AMZ2: variants seen among roughly 807,000 people sequenced by gnomAD.
AMZ2 encodes archaemetzincin-2.
AMZ2 carries 26 observed loss-of-function variants against 36.7 expected under a neutral mutation model. That is an observed-to-expected ratio of 0.71 (90% CI 0.52 to 0.98). AMZ2 has a LOEUF of 0.98. AMZ2 is among the 50% of genes least tolerant of loss of function. The pLI is 0.00. For synonymous variants in AMZ2, 144 were observed against 149.1 expected (o/e 0.97, Z 0.25); for missense variants, 394 against 430.5 (o/e 0.92, Z 0.75).
In AMZ2 at chr17:68,248,555, C is replaced by T. The variant is rs1555737220; in HGVS notation, c.-151C>T. ...TCTCCCGCAGCTTCCCTAGATTAGGCTTGGGAGGCAAGAGGAGGCCTCCTG... is the reference window on the plus strand; with the variant it reads ...TCTCCCGCAGCTTCCCTAGATTAGGTTTGGGAGGCAAGAGGAGGCCTCCTG... On this transcript the variant is annotated 5_prime_UTR_variant, in exon 1 of 7. Transcript: ENST00000359904. 4.1e-6 allele frequency: 4 copies of T among 986,002 alleles called. No individual in the cohort carries two copies. In the East Asian group the frequency reaches 3.4e-4, roughly 84 times the overall value. The allele number at this position is 986,002 out of a possible 1,614,324, so 61.1% of individuals were successfully genotyped here.
intron 1 of AMZ2, among the ~76,000 whole-genome samples, chr17:68,231,802 G>A (rs2073670309): frequency 6.6e-6 from 1 of 152,232 alleles, no homozygotes; most frequent in South Asian, 2.1e-4. Context: ...CCCTTGGAGA[G>A]AGGGTGGTCA....
intron 1 of AMZ2, among the ~76,000 whole-genome samples, chr17:68,226,427 G>GC (rs1191784767): frequency 6.6e-6 from 1 of 152,146 alleles, no homozygotes; most frequent in African/African-American, 2.4e-5. Context: ...CTTCTCTCCT[G>GC]CCCCCCAGCC....
At chr17:68,256,212 G>A (rs2074894049) in intron 6 of AMZ2, among the ~76,000 whole-genome samples, 1 of 152,168 alleles carries the variant, frequency 6.6e-6, no homozygotes, top group African/African-American at 2.4e-5. Context: ...TGTGTGGACA[G>A]GATTTACCTT....
intron 6 of AMZ2, among the ~76,000 whole-genome samples, chr17:68,256,465 A>G (rs530786749): frequency 2.0e-5 from 3 of 152,260 alleles, no homozygotes; most frequent in Non-Finnish European, 4.4e-5. Context: ...ACACTTATAT[A>G]TGTATATACG....
intron 1 of AMZ2, among the ~76,000 whole-genome samples, chr17:68,218,636 C>G (rs9913731): frequency 0.014 from 2,061 of 152,328 alleles, 50 homozygotes; most frequent in African/African-American, 0.048. Flanking sequence ...AGACCTGTGT[C>G]TGAATTCCTT....
At position 68,250,402 on chromosome 17, in the gene AMZ2, A is replaced by G. The variant is rs1205977768; in HGVS notation, c.215A>G (p.Gln72Arg). The change falls in exon 2 of 7, where the codon CAG becomes CGG. Residue 72 changes from glutamine to arginine, a missense_variant. By Grantham distance (43) the Gln-to-Arg change is conservative (BLOSUM62 1). Transcript: ENST00000359904. ...CCTGAGGCTCCCCAAGACTTTGAAC[A>G]GTTCTTCAGTGATCCTTACAGAAAG... ...SHPEAPQDFE[Q>R]FFSDPYRKTP... 2 of 1,614,076 alleles carry G rather than the reference A, an allele frequency of 1.2e-6. No homozygotes were observed. The highest frequency in any genetic ancestry group is 1.7e-6 in the Non-Finnish European group (2 of 1,180,048).
intron 1 of AMZ2, among the ~76,000 whole-genome samples, chr17:68,237,289 C>T (rs144511259): frequency 6.6e-6 from 1 of 152,350 alleles, no homozygotes; most frequent in East Asian, 1.9e-4. Context: ...CCAAGATTCA[C>T]ATGGGTCATT....
chr17:68,252,983 A>G (rs1173946459), intron 4 of AMZ2, among the ~76,000 whole-genome samples: 2 of 152,222 alleles, frequency 1.3e-5, no homozygotes, highest in South Asian at 2.1e-4. Flanking sequence ...AAAGATTTAC[A>G]TAGGAAAGTA....
chr17:68,206,368 A>T, intron 1 of AMZ2: 1 of 964,886 alleles, frequency 1.0e-6, no homozygotes, highest in African/African-American at 1.8e-5. Flanking sequence ...CAGAGGGGAA[A>T]TGCGAGGGCA....
rs112923584 is a variant in AMZ2 at position 68,222,885 on chromosome 17, C to T, written c.-67+16647C>T. 6.4e-3 allele frequency among the ~76,000 whole-genome samples: 975 copies of T among 152,258 alleles called. 10 individuals are homozygous for T. The highest frequency in any genetic ancestry group is 0.022 in the African/African-American group (895 of 41,534). On this transcript the variant is annotated intron_variant, in intron 1 of 7. Transcript: ENST00000674770. ...GTTCCTAACAAACTATGGACCAATA[C>T]GGGTCTGTGGCCCAGAGGTTGGGGA... is the stretch of plus-strand genomic sequence containing the variant.
chr17:68,228,848 C>T (rs2073583689), intron 1 of AMZ2, among the ~76,000 whole-genome samples: 1 of 152,364 alleles, frequency 6.6e-6, no homozygotes, highest in Admixed American at 6.5e-5. Context: ...CTCAAGCAGC[C>T]TACATCCACA....
intron 1 of AMZ2, among the ~76,000 whole-genome samples, chr17:68,211,629 A>G (rs1390983049): frequency 1.3e-5 from 2 of 150,388 alleles, no homozygotes; most frequent in Non-Finnish European, 3.0e-5. Context: ...TGGTGTATAA[A>G]TTAATTATAT....
intron 1 of AMZ2, among the ~76,000 whole-genome samples, chr17:68,240,543 GAAATTATCAAAGAAATAATACCAGA>G (rs1462650405): frequency 2.0e-5 from 3 of 152,164 alleles, no homozygotes; most frequent in Admixed American, 2.0e-4. Flanking sequence ...TGGAGGGCAG[GAAATTATCAAAGAAATAATACCAGA>G]AAATTTCTCA....
chr17:68,240,488 G>T (rs1250948540), intron 1 of AMZ2, among the ~76,000 whole-genome samples: 2 of 152,160 alleles, frequency 1.3e-5, no homozygotes, highest in Admixed American at 1.3e-4. Context: ...GTGAGAGAGA[G>T]GAAAATCTGA....
chr17:68,238,545 TATAG>T (rs1328533465), intron 1 of AMZ2, among the ~76,000 whole-genome samples: 1 of 150,114 alleles, frequency 6.7e-6, no homozygotes, highest in Non-Finnish European at 1.5e-5. Flanking sequence ...TGTATATATA[TATAG>T]AGAGAAAGAG....
intron 1 of AMZ2, among the ~76,000 whole-genome samples, chr17:68,209,630 A>ATTTTTTTTTTT (rs1339157573): frequency 1.0e-4 from 10 of 98,482 alleles, no homozygotes; most frequent in African/African-American, 4.3e-4. Context: ...ATATATATAT[A>ATTTTTTTTTTT]TATTTTTTTT....
intron 1 of AMZ2, among the ~76,000 whole-genome samples, chr17:68,209,937 T>C (rs2072991494): frequency 6.6e-6 from 1 of 152,006 alleles, no homozygotes; most frequent in Non-Finnish European, 1.5e-5. Context: ...ATTCTTTTGA[T>C]TTTAAAAATT....
chr17:68,222,506 GTTA>G (rs1555728822), intron 1 of AMZ2, among the ~76,000 whole-genome samples: 1 of 152,058 alleles, frequency 6.6e-6, no homozygotes, highest in Admixed American at 6.5e-5. Flanking sequence ...ATTTATTTCT[GTTA>G]TTATTACATT....
rs71142150 is a variant in AMZ2 at position 68,221,222 on chromosome 17, C to CG, written c.-67+14984_-67+14985insG. Among the ~76,000 whole-genome samples the CG allele has an allele frequency of 2.3e-5, 2 of 85,588 alleles. 1 individual carries two copies. The highest frequency in any genetic ancestry group is 4.8e-5 in the Non-Finnish European group (2 of 41,780). The allele number at this position is 85,588 out of a possible 152,430, so 56.1% of individuals were successfully genotyped here. ...TCAGCCCTCAGCTCCCCCCCCCGCCCCCCCGGTAGCTAGGACCCCAAGTGC... is the reference window on the plus strand; with the variant it reads ...TCAGCCCTCAGCTCCCCCCCCCGCCCGCCCCGGTAGCTAGGACCCCAAGTGC... On this transcript the variant is annotated intron_variant, in intron 1 of 7. Transcript: ENST00000674770.
Sources: allele counts gnomAD v4.1 joint callset (sites outside exome capture counted in the v4.1 genomes callset), GRCh38; gene constraint gnomAD v4.1.1; transcripts MANE v1.5; gene names NCBI Gene and HGNC (gene_info 2026-07-23, HGNC 2026-07-21).